Variants in EXOC6B observed in about 807,000 individuals in gnomAD.
The protein encoded by EXOC6B is exocyst complex component 6B.
Under a neutral mutation model 113.5 loss-of-function variants are expected in EXOC6B, and 54 were observed. That is an observed-to-expected ratio of 0.48 (90% CI 0.38 to 0.60). The LOEUF (loss-of-function observed/expected upper bound fraction) is 0.60, where lower values mean the gene tolerates loss of function less well. Among genes scored for constraint, EXOC6B ranks in the 20% least tolerant of loss-of-function variants. EXOC6B has a pLI of 0.00. For missense variants in EXOC6B, 797 were observed against 977.5 expected (o/e 0.82, Z 2.46); for synonymous variants, 357 against 339.0 (o/e 1.05, Z -0.58).
intron 17 of EXOC6B, among the ~76,000 whole-genome samples, chr2:72,475,772 G>A (rs985919142): frequency 2.6e-5 from 4 of 152,160 alleles, no homozygotes; most frequent in Admixed American, 6.5e-5. Flanking sequence ...TAGGTCAGCA[G>A]GTGGAAAACA....
chr2:72,406,537 G>C (rs1283070622), intron 18 of EXOC6B, among the ~76,000 whole-genome samples: 1 of 152,090 alleles, frequency 6.6e-6, no homozygotes, highest in Non-Finnish European at 1.5e-5. Flanking sequence ...CTAGAACTCA[G>C]GATTAAGAAA....
At chr2:72,767,544 T>G (rs907825908) in intron 1 of EXOC6B, among the ~76,000 whole-genome samples, 2 of 151,866 alleles carry the variant, frequency 1.3e-5, no homozygotes, top group African/African-American at 4.8e-5. Flanking sequence ...GCACAGTGGC[T>G]CACGCTTGCA....
At chr2:72,408,837 A>G (rs1309687194) in intron 18 of EXOC6B, among the ~76,000 whole-genome samples, 1 of 152,202 alleles carries the variant, frequency 6.6e-6, no homozygotes, top group Non-Finnish European at 1.5e-5. Flanking sequence ...CACCAAAAGC[A>G]ATGGCAGCAA....
intron 10 of EXOC6B, 90 bp downstream of exon 10, chr2:72,514,544 C>A (rs1701107559): frequency 4.7e-6 from 1 of 214,908 alleles, no homozygotes; most frequent in Admixed American, 6.1e-5. Flanking sequence ...TTCCAACATT[C>A]ACAACTCTAT....
intron 1 of EXOC6B, among the ~76,000 whole-genome samples, chr2:72,760,344 ATGGTCACAGAC>A (rs1313724511): frequency 1.3e-5 from 2 of 152,204 alleles, no homozygotes; most frequent in Non-Finnish European, 2.9e-5. Context: ...TAGTTTACTG[ATGGTCACAGAC>A]TTAGAGGAAG....
intron 18 of EXOC6B, among the ~76,000 whole-genome samples, chr2:72,439,335 A>G (rs1378775441): frequency 1.3e-5 from 2 of 152,126 alleles, no homozygotes; most frequent in African/African-American, 4.8e-5. Flanking sequence ...CGTTTTCCAT[A>G]TTGGTTCCAT....
chr2:72,787,688 T>C (rs1463640439), intron 1 of EXOC6B, among the ~76,000 whole-genome samples: 1 of 152,202 alleles, frequency 6.6e-6, no homozygotes, highest in African/African-American at 2.4e-5. Context: ...GGTCTCACTC[T>C]GCTGCCCAAG....
At chr2:72,823,237 G>T (rs1573855775) in intron 1 of EXOC6B, among the ~76,000 whole-genome samples, 2 of 150,854 alleles carry the variant, frequency 1.3e-5, no homozygotes, top group Non-Finnish European at 2.9e-5. Flanking sequence ...AGTAAAACTG[G>T]TAATGAGTCT....
At chr2:72,384,366 CTT>C (rs1691869414) in intron 18 of EXOC6B, among the ~76,000 whole-genome samples, 1 of 151,860 alleles carries the variant, frequency 6.6e-6, no homozygotes, top group Non-Finnish European at 1.5e-5. Context: ...AGGAATGTAA[CTT>C]AATACATTAA....
chr2:72,482,976 C>G (rs1699196279), intron 16 of EXOC6B, among the ~76,000 whole-genome samples: 1 of 152,170 alleles, frequency 6.6e-6, no homozygotes, highest in African/African-American at 2.4e-5. Context: ...ACTCATCAGA[C>G]AAGTTCATAT....
chr2:72,622,867 A>G (rs1482141089), intron 6 of EXOC6B, among the ~76,000 whole-genome samples: 1 of 152,234 alleles, frequency 6.6e-6, no homozygotes, highest in Non-Finnish European at 1.5e-5. Flanking sequence ...TGAAACAACC[A>G]GAATTCTCAT....
chr2:72,761,128 C>T (rs769224838), intron 1 of EXOC6B, among the ~76,000 whole-genome samples: 2 of 151,856 alleles, frequency 1.3e-5, no homozygotes, highest in Non-Finnish European at 2.9e-5. Context: ...TGCAGTAAGC[C>T]GAGATTGTGC....
At chr2:72,578,651 T>C (rs1289456070) in intron 6 of EXOC6B, among the ~76,000 whole-genome samples, 1 of 152,026 alleles carries the variant, frequency 6.6e-6, no homozygotes, top group African/African-American at 2.4e-5. Context: ...TGCACACTGG[T>C]GATACAAAGA....
intron 20 of EXOC6B, among the ~76,000 whole-genome samples, chr2:72,327,163 C>G (rs11126366): frequency 0.33 from 49,787 of 151,798 alleles, 12,364 homozygotes; most frequent in African/African-American, 0.7. Flanking sequence ...CTCCAGGGAA[C>G]AACCCTCAAA....
At chr2:72,531,342 C>G (rs1295625750) in intron 8 of EXOC6B, among the ~76,000 whole-genome samples, 1 of 152,152 alleles carries the variant, frequency 6.6e-6, no homozygotes, top group Admixed American at 6.5e-5. Flanking sequence ...AGAAACCTTA[C>G]TTCCCTTTAC....
intron 7 of EXOC6B, among the ~76,000 whole-genome samples, chr2:72,567,977 TGGG>T (rs1205819823): frequency 6.6e-6 from 1 of 152,008 alleles, no homozygotes; most frequent in Non-Finnish European, 1.5e-5. Context: ...CTAAAACCAG[TGGG>T]TAACAAGCTG....
chr2:72,410,111 G>T (rs1326117708), intron 18 of EXOC6B, among the ~76,000 whole-genome samples: 1 of 152,148 alleles, frequency 6.6e-6, no homozygotes, highest in Admixed American at 6.5e-5. Flanking sequence ...CCAGAGTTCT[G>T]ACAAAATTGG....
At position 72,731,258 on chromosome 2, in the gene EXOC6B, G is replaced by A. The variant is rs1443249432; in HGVS notation, c.328-13C>T. The A allele has an allele frequency of 4.4e-6, 7 of 1,592,696 alleles. No homozygotes were observed. The highest frequency in any genetic ancestry group is 1.3e-5 in the African/African-American group (1 of 74,318). On this transcript the variant is annotated splice_polypyrimidine_tract_variant and intron_variant, in intron 3 of 21. Transcript: ENST00000272427. ...TTGCTATTACCAGCTTGGCAAGAGG[G>A]AAAAAGACTGAATTATGCCTATGGC...
At chr2:72,336,247 A>G (rs758156555) in intron 19 of EXOC6B, among the ~76,000 whole-genome samples, 9 of 152,210 alleles carry the variant, frequency 5.9e-5, no homozygotes, top group Non-Finnish European at 1.0e-4. Context: ...TTTGCAATCA[A>G]TAAAATCTAT....
Sources: gnomAD v4.1 joint callset for allele counts (sites outside exome capture counted in the v4.1 genomes callset) on GRCh38, gnomAD v4.1.1 for gene constraint, MANE v1.5 for transcripts, NCBI Gene and HGNC (gene_info 2026-07-23, HGNC 2026-07-21) for gene names.